ZNF532: variants seen among roughly 807,000 people sequenced by gnomAD.
The protein encoded by ZNF532 is zinc finger protein 532.
A neutral mutation model predicts 89.3 loss-of-function variants in ZNF532; 22 were observed. That is an observed-to-expected ratio of 0.25 (90% CI 0.18 to 0.35). The LOEUF is 0.35. Among genes scored for constraint, ZNF532 ranks in the 10% least tolerant of loss-of-function variants. The probability of loss-of-function intolerance (pLI) is 1.00; values close to 1 mark genes in which losing one functional copy is unlikely to be tolerated. For synonymous variants in ZNF532, 606 were observed against 649.6 expected, an observed-to-expected ratio of 0.93 and a Z score of 1.02; for missense variants, 1,132 against 1,643.4, an observed-to-expected ratio of 0.69 and a Z score of 5.38.
intron 2 of ZNF532, among the ~76,000 whole-genome samples, chr18:58,870,671 G>A (rs1334109048): frequency 6.6e-6 from 1 of 152,120 alleles, no homozygotes; most frequent in African/African-American, 2.4e-5. Context: ...AGAGGGAACC[G>A]GCAATCCAGG....
chr18:58,964,832 C>T (rs1419034559), intron 7 of ZNF532, among the ~76,000 whole-genome samples: 2 of 151,726 alleles, frequency 1.3e-5, no homozygotes, highest in African/African-American at 4.8e-5. Context: ...GTCTCAAACT[C>T]CTGGCCTCAA....
chr18:58,979,253 G>GTTAA, intron 8 of ZNF532, 86 bp downstream of exon 8: 1 of 933,982 alleles, frequency 1.1e-6, no homozygotes, highest in Non-Finnish European at 1.7e-6. Flanking sequence ...TTAACTTGCT[G>GTTAA]TGTGCTCCAC....
At chr18:58,893,296 G>A (rs1176333703) in intron 2 of ZNF532, among the ~76,000 whole-genome samples, 1 of 152,116 alleles carries the variant, frequency 6.6e-6, no homozygotes, top group Non-Finnish European at 1.5e-5. Context: ...ATAATTAGAA[G>A]TGTCTGTGAG....
chr18:58,975,689 A>G (rs1304743316), intron 7 of ZNF532, among the ~76,000 whole-genome samples: 4 of 152,230 alleles, frequency 2.6e-5, no homozygotes, highest in African/African-American at 9.6e-5. Context: ...GGGAGGAAGA[A>G]AGTTTAGGAA....
Position 58,940,763 on chromosome 18 carries a change from T to C in ZNF532, c.2705+1142T>C, listed in dbSNP as rs995531099. 5.9e-5 allele frequency among the ~76,000 whole-genome samples: 9 copies of C among 152,316 alleles called. No individual in the cohort carries two copies. In the South Asian group the frequency reaches 8.3e-4, roughly 14 times the overall value. ...TGTGCACACAGCACTGGATTAATGC[T>C]CCTGGTTGTGCTCCTTTTATTCCTG... is the stretch of plus-strand genomic sequence containing the variant. On this transcript the variant is annotated intron_variant, in intron 5 of 9. Transcript: ENST00000591808.
intron 2 of ZNF532, among the ~76,000 whole-genome samples, chr18:58,892,248 T>G (rs527612180): frequency 1.3e-5 from 2 of 152,350 alleles, no homozygotes; most frequent in South Asian, 4.1e-4. Context: ...TTGTAAGAAT[T>G]TATGAAGAAA....
chr18:58,972,210 C>T (rs1204192444), intron 7 of ZNF532, among the ~76,000 whole-genome samples: 1 of 152,114 alleles, frequency 6.6e-6, no homozygotes, highest in East Asian at 1.9e-4. Context: ...AAAATACAAA[C>T]AAGAAAACAA....
At chr18:58,942,273 T>C (rs908621614) in intron 5 of ZNF532, among the ~76,000 whole-genome samples, 61 of 147,088 alleles carry the variant, frequency 4.1e-4, no homozygotes, top group East Asian at 2.8e-3. Context: ...CCGCCCACCT[T>C]GGCCTCCCAA....
intron 2 of ZNF532, among the ~76,000 whole-genome samples, chr18:58,879,976 G>A (rs1445027580): frequency 1.3e-5 from 2 of 152,108 alleles, no homozygotes; most frequent in African/African-American, 4.8e-5. Flanking sequence ...ACATGCTTAC[G>A]TGGATTCTAG....
chr18:58,934,964 C>T (rs370163367), intron 4 of ZNF532, among the ~76,000 whole-genome samples: 8 of 152,124 alleles, frequency 5.3e-5, no homozygotes, highest in African/African-American at 1.9e-4. Flanking sequence ...ATACATTCCG[C>T]ACCTCTTAAT....
intron 9 of ZNF532, 36 bp from the exon 10 acceptor site, chr18:58,983,936 T>A: frequency 6.3e-7 from 1 of 1,575,020 alleles, no homozygotes; most frequent in Non-Finnish European, 8.6e-7. Context: ...TGAAGGATGG[T>A]TTTCAGTCGT....
intron 7 of ZNF532, among the ~76,000 whole-genome samples, chr18:58,958,838 C>T (rs770486906): frequency 2.0e-5 from 3 of 152,168 alleles, no homozygotes; most frequent in Non-Finnish European, 2.9e-5. Context: ...TCATCCCAGC[C>T]GTGAGCCTTT....
intron 2 of ZNF532, among the ~76,000 whole-genome samples, chr18:58,902,856 A>G (rs1417970895): frequency 6.6e-6 from 1 of 152,072 alleles, no homozygotes; most frequent in African/African-American, 2.4e-5. Context: ...ATTAGGAGAA[A>G]GGCTGTGCTT....
Position 58,979,111 on chromosome 18 carries a change from C to G in ZNF532, c.3207C>G (p.Ser1069Arg). 6.2e-7 allele frequency: 1 copy of G among 1,613,472 alleles called. No homozygotes were observed. The highest frequency in any genetic ancestry group is 8.5e-7 in the Non-Finnish European group (1 of 1,179,424). Residue 1069 changes from serine (S) to arginine (R), a missense_variant, in exon 8 of 10, where the codon AGC becomes AGG. Coordinates refer to ENST00000591808, the MANE Select transcript of ZNF532 (RefSeq NM_001375912.1). ...QCDKSFSSSH[S>R]LCRHNRIKHK... ...ACAAGTCTTTCAGCTCGTCCCACAG[C>G]CTGTGCCGGCACAACCGGATCAAGC...
At chr18:58,895,572 T>C (rs1262403146) in intron 2 of ZNF532, among the ~76,000 whole-genome samples, 1 of 152,214 alleles carries the variant, frequency 6.6e-6, no homozygotes, top group Non-Finnish European at 1.5e-5. Flanking sequence ...GGCCTGCCTG[T>C]TGGAGCTGGC....
At chr18:58,905,094 G>A (rs958932135) in intron 2 of ZNF532, among the ~76,000 whole-genome samples, 2 of 151,986 alleles carry the variant, frequency 1.3e-5, no homozygotes, top group Non-Finnish European at 2.9e-5. Flanking sequence ...TACCTGCCTC[G>A]GCCTCTGGAA....
chr18:58,937,153 A>AT (rs936416601), intron 4 of ZNF532, among the ~76,000 whole-genome samples: 1 of 152,122 alleles, frequency 6.6e-6, no homozygotes. Context: ...TACTGTAAAT[A>AT]TTTTTTTTAA....
chr18:58,878,557 C>G (rs1260544771), intron 2 of ZNF532, among the ~76,000 whole-genome samples: 1 of 152,226 alleles, frequency 6.6e-6, no homozygotes, highest in Non-Finnish European at 1.5e-5. Context: ...TGGATAACTG[C>G]AGCCTGAAGT....
Position 58,910,474 on chromosome 18 carries a change from A to AT in ZNF532, c.-17-7787dup, listed in dbSNP as rs746882624. On this transcript the variant is annotated intron_variant, in intron 2 of 9. Transcript: ENST00000591808. ...TACACACAGTGAAATTCTCTAGTTT[A>AT]TTTTTTTTTTGAGAAAGAGTCTCGC... is the stretch of plus-strand genomic sequence containing the variant. Among the ~76,000 whole-genome samples, 72 of 149,154 alleles carry AT rather than the reference A, an allele frequency of 4.8e-4. 1 individual carries two copies. The highest frequency in any genetic ancestry group is 4.3e-3 in the East Asian group (22 of 5,102).
Sources: gnomAD v4.1 joint callset for allele counts (sites outside exome capture counted in the v4.1 genomes callset) on GRCh38, gnomAD v4.1.1 for gene constraint, MANE v1.5 for transcripts, NCBI Gene and HGNC (gene_info 2026-07-23, HGNC 2026-07-21) for gene names.